The following VWA8 variants were observed in gnomAD, a reference collection of about 807,000 sequenced individuals.
VWA8 encodes von Willebrand factor A domain containing 8.
VWA8 carries 221 observed loss-of-function variants against 241.5 expected under a neutral mutation model. The ratio of observed to expected loss-of-function variants is 0.91; its 90% CI spans 0.82 to 1.02. The LOEUF (loss-of-function observed/expected upper bound fraction) is 1.02. VWA8 is among the 50% of genes least tolerant of loss of function. VWA8 has a pLI of 0.00. For missense variants in VWA8, 2,322 were observed against 2,328.7 expected (o/e 1.00, Z 0.06); for synonymous variants, 852 against 827.1 (o/e 1.03, Z -0.52).
intron 12 of VWA8, among the ~76,000 whole-genome samples, chr13:41,856,043 TCTTA>T (rs1390763379): frequency 6.6e-6 from 1 of 152,180 alleles, no homozygotes; most frequent in Non-Finnish European, 1.5e-5. Flanking sequence ...CATTCAAAAA[TCTTA>T]CTTGTTGGCC....
At chr13:41,696,040 A>G (rs1479799184) in intron 29 of VWA8, 9 of 152,204 alleles carry the variant, frequency 5.9e-5, no homozygotes, top group Admixed American at 5.9e-4. Context: ...CTGATTTACT[A>G]AATTACAAAC....
At chr13:41,777,550 A>C (rs536829909) in intron 20 of VWA8, among the ~76,000 whole-genome samples, 72 of 152,356 alleles carry the variant, frequency 4.7e-4, no homozygotes, top group African/African-American at 1.6e-3. Context: ...TATACCTAAC[A>C]GAAATGGGGA....
At chr13:41,685,368 A>T (rs1038001097) in intron 34 of VWA8, 126 bp from the exon 35 acceptor site, 1 of 943,800 alleles carries the variant, frequency 1.1e-6, no homozygotes, top group Non-Finnish European at 1.5e-6. Flanking sequence ...AGAAAATCAA[A>T]TTATTGGCTG....
chr13:41,636,881 G>C (rs2044761197), intron 37 of VWA8, among the ~76,000 whole-genome samples: 1 of 152,008 alleles, frequency 6.6e-6, no homozygotes, highest in African/African-American at 2.4e-5. Flanking sequence ...TCTCACACCA[G>C]TTAGAATGGC....
chr13:41,803,974 T>C (rs1477269664), intron 17 of VWA8, among the ~76,000 whole-genome samples: 4 of 152,122 alleles, frequency 2.6e-5, no homozygotes, highest in Admixed American at 6.5e-5. Flanking sequence ...ACAGGCTATT[T>C]GAAAACACAC....
chr13:41,767,626 G>C (rs777658727), intron 20 of VWA8, among the ~76,000 whole-genome samples: 1 of 151,988 alleles, frequency 6.6e-6, no homozygotes. Flanking sequence ...TCGTTGTAAC[G>C]GTCAACAAAC....
Position 41,690,269 on chromosome 13 carries a change from A to C in VWA8, c.3873T>G (p.Tyr1291Ter), listed in dbSNP as rs564881789. 30 of 1,606,822 alleles carry C rather than the reference A, an allele frequency of 1.9e-5. No individual in the cohort carries two copies. The East Asian group carries it at 6.3e-4, about 34-fold the overall frequency. ...CGATGTGTGCAGGCTTAGTTAAAAG[A>C]TATTTCCTGCAAACAAACAAAACAT... ...LLVESKTNQK[Y>*]LLTKPAHIES... The change falls in exon 33 of 45, where the codon TAT (tyrosine) becomes TAG (stop). Residue 1291 changes from tyrosine to a stop codon, truncating the protein, a stop_gained. Coordinates refer to ENST00000379310, the MANE Select transcript of VWA8 (RefSeq NM_015058.2). LOFTEE classifies it high-confidence loss of function.
chr13:41,796,239 A>G (rs1274968998), intron 17 of VWA8, among the ~76,000 whole-genome samples: 2 of 152,056 alleles, frequency 1.3e-5, no homozygotes, highest in African/African-American at 4.8e-5. Flanking sequence ...CTATGTTTTC[A>G]CCATTTCTCT....
intron 37 of VWA8, among the ~76,000 whole-genome samples, chr13:41,625,212 A>G (rs759242741): frequency 1.8e-4 from 27 of 152,168 alleles, no homozygotes; most frequent in Non-Finnish European, 3.4e-4. Context: ...AATGGCAACA[A>G]AAGCCAAAAT....
chr13:41,924,965 C>T (rs1056374262), intron 2 of VWA8, among the ~76,000 whole-genome samples: 1 of 152,018 alleles, frequency 6.6e-6, no homozygotes, highest in Non-Finnish European at 1.5e-5. Context: ...CTCCAATGTA[C>T]ATTATAATTA....
chr13:41,599,915 C>T (rs987374984), intron 40 of VWA8, among the ~76,000 whole-genome samples: 2 of 152,094 alleles, frequency 1.3e-5, no homozygotes, highest in African/African-American at 4.8e-5. Flanking sequence ...AGACCTCCCC[C>T]ACAACCATGC....
chr13:41,820,435 T>A (rs1444338038), intron 14 of VWA8, among the ~76,000 whole-genome samples: 2 of 152,132 alleles, frequency 1.3e-5, no homozygotes, highest in African/African-American at 4.8e-5. Context: ...GTGCCATCAA[T>A]ACAACAGGCA....
At chr13:41,938,054 G>C (rs889281485) in intron 2 of VWA8, among the ~76,000 whole-genome samples, 5 of 151,768 alleles carry the variant, frequency 3.3e-5, no homozygotes, top group Admixed American at 6.6e-5. Context: ...CCAGCTACTG[G>C]GGAGGCTGAG....
chr13:41,822,867 A>AT (rs1871020579), intron 14 of VWA8, among the ~76,000 whole-genome samples: 1 of 152,100 alleles, frequency 6.6e-6, no homozygotes, highest in South Asian at 2.1e-4. Flanking sequence ...AGCACACACT[A>AT]TGTGATTCCA....
intron 17 of VWA8, among the ~76,000 whole-genome samples, chr13:41,808,934 C>T (rs1264039770): frequency 2.0e-5 from 3 of 148,924 alleles, no homozygotes; most frequent in Non-Finnish European, 4.5e-5. Context: ...AATCAACATA[C>T]AAAAATCAGT....
intron 14 of VWA8, among the ~76,000 whole-genome samples, chr13:41,821,238 T>C (rs1175321397): frequency 4.6e-5 from 7 of 152,168 alleles, no homozygotes; most frequent in Non-Finnish European, 1.0e-4. Flanking sequence ...TAGTATTGAC[T>C]CCAGCAGCGT....
intron 20 of VWA8, among the ~76,000 whole-genome samples, chr13:41,766,188 T>C (rs2045777853): frequency 6.6e-6 from 1 of 152,188 alleles, no homozygotes; most frequent in Admixed American, 6.5e-5. Flanking sequence ...CTCAGGTTTA[T>C]TATTTTAGTT....
At chr13:41,612,061 G>A (rs918262376) in intron 38 of VWA8, among the ~76,000 whole-genome samples, 3 of 151,798 alleles carry the variant, frequency 2.0e-5, no homozygotes, top group Admixed American at 1.3e-4. Flanking sequence ...TATGATGGAT[G>A]AGATATTTTA....
rs117075083 is a variant in VWA8 at position 41,597,495 on chromosome 13, A to G, written c.4987-6730T>C. On this transcript the variant is annotated intron_variant, in intron 40 of 44. Transcript: ENST00000379310. ...TAAGGGATTCATGTTTCTTGAAGTA[A>G]TATCTCATTGCAAAGGAAAACGGTG... Among the ~76,000 whole-genome samples, 130 of 152,244 alleles carry G rather than the reference A, an allele frequency of 8.5e-4. No homozygotes were observed. In the East Asian group the frequency reaches 0.02, roughly 24 times the overall value.
Sources: gnomAD v4.1 joint callset for allele counts (sites outside exome capture counted in the v4.1 genomes callset) on GRCh38, gnomAD v4.1.1 for gene constraint, MANE v1.5 for transcripts, NCBI Gene and HGNC (gene_info 2026-07-23, HGNC 2026-07-21) for gene names.